GABRA3: variants seen among roughly 807,000 people sequenced by gnomAD.
GABRA3 encodes the protein gamma-aminobutyric acid receptor subunit alpha-3.
GABRA3 carries 10 observed loss-of-function variants against 30.1 expected under a neutral mutation model. The observed-to-expected ratio is 0.33, with a 90% CI of 0.20 to 0.56. GABRA3 has a LOEUF of 0.56. GABRA3 is among the 20% of genes least tolerant of loss of function. The probability of loss-of-function intolerance (pLI) is 0.89; values close to 1 mark genes in which losing one functional copy is unlikely to be tolerated. For missense variants in GABRA3, 233 were observed against 392.0 expected, an observed-to-expected ratio of 0.59 and a Z score of 3.42; for synonymous variants, 151 against 146.8, an observed-to-expected ratio of 1.03 and a Z score of -0.21.
At chrX:152,289,403 AC>A (rs759964547) in intron 3 of GABRA3, among the ~76,000 whole-genome samples, 1 of 109,470 alleles carries the variant, frequency 9.1e-6, no homozygotes, top group African/African-American at 3.3e-5. Flanking sequence ...TGATCCTTGT[AC>A]CCCTGTCTGC....
intron 5 of GABRA3, among the ~76,000 whole-genome samples, chrX:152,237,174 A>G (rs1194177971): frequency 1.3e-4 from 15 of 111,526 alleles, no homozygotes; most frequent in Non-Finnish European, 2.3e-4. Context: ...ATTTTTGTCT[A>G]AGGTGTAAGG....
intron 9 of GABRA3, among the ~76,000 whole-genome samples, chrX:152,172,951 TAC>T (rs58184376): frequency 0.051 from 5,184 of 102,037 alleles, 179 homozygotes; most frequent in African/African-American, 0.11. Flanking sequence ...CGAGTATGTG[TAC>T]ACACACACAC....
intron 4 of GABRA3, among the ~76,000 whole-genome samples, chrX:152,258,021 C>T (rs1938666449): frequency 9.0e-6 from 1 of 111,610 alleles, no homozygotes; most frequent in East Asian, 2.8e-4. Context: ...TTAATGCTTG[C>T]TGAAAATTAC....
chrX:152,384,291 A>G (rs949125683), intron 1 of GABRA3, among the ~76,000 whole-genome samples: 1 of 111,735 alleles, frequency 8.9e-6, no homozygotes, highest in Non-Finnish European at 1.9e-5. Flanking sequence ...TTCAATCTCC[A>G]TACTACCCAA....
intron 1 of GABRA3, among the ~76,000 whole-genome samples, chrX:152,436,865 A>G (rs1244507495): frequency 9.0e-6 from 1 of 111,676 alleles, no homozygotes; most frequent in Non-Finnish European, 1.9e-5. Flanking sequence ...AAGTCATAAT[A>G]GAAAACCCAT....
chrX:152,244,787 A>G (rs775155659), intron 5 of GABRA3, among the ~76,000 whole-genome samples: 49 of 111,559 alleles, frequency 4.4e-4, no homozygotes, highest in African/African-American at 1.4e-3. Flanking sequence ...GGAGCTATAC[A>G]CATAATATTT....
At chrX:152,344,563 G>T (rs1940362835) in intron 3 of GABRA3, among the ~76,000 whole-genome samples, 1 of 111,634 alleles carries the variant, frequency 9.0e-6, no homozygotes, top group Admixed American at 9.5e-5. Flanking sequence ...AATAGTGTCA[G>T]AACATCTCTC....
chrX:152,365,734 G>A (rs1928641940), intron 1 of GABRA3, among the ~76,000 whole-genome samples: 1 of 111,109 alleles, frequency 9.0e-6, no homozygotes. Flanking sequence ...ATTCTGGTTG[G>A]TGAGATTAAG....
rs368994882 is a variant in GABRA3 at position 152,298,493 on chromosome X, C to T, written c.263-13758G>A. On this transcript the variant is annotated intron_variant, in intron 3 of 9. Coordinates refer to ENST00000370314, the MANE Select transcript of GABRA3 (RefSeq NM_000808.4). ...TGCGGTGTTTGGTTTTTTGTCCTTGCGATAGTTTGCTGAGAATGATGGTTT... is the reference window on the plus strand; with the variant it reads ...TGCGGTGTTTGGTTTTTTGTCCTTGTGATAGTTTGCTGAGAATGATGGTTT... Among the ~76,000 whole-genome samples the T allele has an allele frequency of 2.0e-3, 216 of 108,122 alleles. 4 individuals carry two copies. The East Asian group carries it at 0.05, about 25-fold the overall frequency. 93.9% of individuals were successfully genotyped at this position (108,122 alleles called of 115,157 possible).
At chrX:152,283,990 T>C (rs1352103093) in intron 4 of GABRA3, among the ~76,000 whole-genome samples, 5 of 111,495 alleles carry the variant, frequency 4.5e-5, no homozygotes, top group Non-Finnish European at 9.4e-5. Context: ...ACTCAGTATA[T>C]ATCGATAGGG....
At position 152,337,769 on chromosome X, in the gene GABRA3, T is replaced by A. The variant is rs1335963915; in HGVS notation, c.262+7812A>T. 3.6e-5 allele frequency among the ~76,000 whole-genome samples: 4 copies of A among 111,805 alleles called. No homozygotes were observed. The East Asian group carries it at 1.1e-3, about 31-fold the overall frequency. ...AGGAAATCAAGGCTGCAGGGAGCCATGATCATGCTACTGCACTCCAGCTCG... is the reference window on the plus strand; with the variant it reads ...AGGAAATCAAGGCTGCAGGGAGCCAAGATCATGCTACTGCACTCCAGCTCG... On this transcript the variant is annotated intron_variant, in intron 3 of 9. Coordinates refer to ENST00000370314, the MANE Select transcript of GABRA3 (RefSeq NM_000808.4).
intron 1 of GABRA3, among the ~76,000 whole-genome samples, chrX:152,429,682 C>T (rs1050512369): frequency 8.9e-6 from 1 of 111,858 alleles, no homozygotes; most frequent in Non-Finnish European, 1.9e-5. Flanking sequence ...AAAGTTCAAA[C>T]ATCAATCTGG....
intron 1 of GABRA3, among the ~76,000 whole-genome samples, chrX:152,449,059 T>C (rs1296077481): frequency 8.9e-6 from 1 of 112,062 alleles, no homozygotes; most frequent in African/African-American, 3.2e-5. Context: ...TAAATGATAA[T>C]CCTTTACTCT....
chrX:152,238,423 T>A (rs370195905), intron 5 of GABRA3, among the ~76,000 whole-genome samples: 1 of 106,240 alleles, frequency 9.4e-6, no homozygotes, highest in South Asian at 4.1e-4. Flanking sequence ...TTTTGCATCA[T>A]TGTTCATCAA....
intron 9 of GABRA3, among the ~76,000 whole-genome samples, chrX:152,178,246 G>A (rs1488001416): frequency 2.1e-5 from 2 of 94,684 alleles, no homozygotes; most frequent in Admixed American, 1.2e-4. Context: ...CCGTGTGTGC[G>A]TCTATGTGTG....
intron 1 of GABRA3, among the ~76,000 whole-genome samples, chrX:152,446,405 T>C (rs1030753386): frequency 9.0e-6 from 1 of 111,399 alleles, no homozygotes; most frequent in African/African-American, 3.3e-5. Flanking sequence ...CCATGCCTAG[T>C]AAATGTTATG....
chrX:152,183,594 A>T (rs1371531874), intron 9 of GABRA3, among the ~76,000 whole-genome samples: 2 of 110,507 alleles, frequency 1.8e-5, no homozygotes, highest in Non-Finnish European at 3.8e-5. Flanking sequence ...CTTTCTAGTA[A>T]CTTTGGGCTT....
At chrX:152,231,323 GTACACGTGTGTGTA>G (rs1439794331) in intron 5 of GABRA3, among the ~76,000 whole-genome samples, 9 of 108,353 alleles carry the variant, frequency 8.3e-5, no homozygotes, top group Admixed American at 5.9e-4. Flanking sequence ...ACGTGTGTGT[GTACACGTGTGTGTA>G]TACACGTGTG....
chrX:152,185,910 T>C (rs1448174413), intron 9 of GABRA3, among the ~76,000 whole-genome samples: 1 of 112,293 alleles, frequency 8.9e-6, no homozygotes, highest in Non-Finnish European at 1.9e-5. Context: ...GTCTATTTTT[T>C]TGTACCTATG....
Sources: gnomAD v4.1 joint callset for allele counts (sites outside exome capture counted in the v4.1 genomes callset) on GRCh38, gnomAD v4.1.1 for gene constraint, MANE v1.5 for transcripts, NCBI Gene and HGNC (gene_info 2026-07-23, HGNC 2026-07-21) for gene names.